IL3RA: variants seen among roughly 807,000 people sequenced by gnomAD.
The protein encoded by IL3RA is interleukin-3 receptor subunit alpha.
In IL3RA, 73 loss-of-function variants were observed where a neutral mutation model predicts 52.3. The ratio of observed to expected loss-of-function variants is 1.40; its 90% CI spans 1.16 to 1.70. The LOEUF is 1.70. Among genes scored for constraint, IL3RA ranks in the 40% most tolerant of loss-of-function variants. The pLI is 0.00. For synonymous variants in IL3RA, 260 were observed against 194.0 expected, an observed-to-expected ratio of 1.34 and a Z score of -2.83; for missense variants, 664 against 504.4, an observed-to-expected ratio of 1.32 and a Z score of -3.03.
chrX:1,364,045 G>A (rs1439076257), intron 8 of IL3RA, among the ~76,000 whole-genome samples: 38 of 151,836 alleles, frequency 2.5e-4, no homozygotes, highest in Non-Finnish European at 4.6e-4. Context: ...AAAATTAGCT[G>A]GGCATGGTAG....
chrX:1,379,845 T>C (rs2089054082), intron 10 of IL3RA, among the ~76,000 whole-genome samples: 1 of 152,138 alleles, frequency 6.6e-6, no homozygotes, highest in Admixed American at 6.5e-5. Context: ...CTGCAACCTC[T>C]GCCTCCTGGG....
chrX:1,356,119 T>C (rs1258788540), intron 6 of IL3RA, 102 bp from the exon 7 acceptor site: 176 of 759,300 alleles, frequency 2.3e-4, no homozygotes, highest in Middle Eastern at 5.7e-4. Context: ...TCCAAATGCA[T>C]AGGAGAAGTA....
rs1174042918 is a variant in IL3RA at position 1,378,914 on chromosome X, C to G, written c.980+150C>G. On this transcript the variant is annotated intron_variant, in intron 10 of 11. Coordinates refer to ENST00000331035, the MANE Select transcript of IL3RA (RefSeq NM_002183.4). ...CTGGAGTGCAGTGGCACGATCTGGG[C>G]TCACTGCAGCCTCTGCCTCCTGGGT... 4.0e-6 allele frequency: 3 copies of G among 748,866 alleles called. No individual in the cohort carries two copies. The East Asian group carries it at 8.2e-5, about 20-fold the overall frequency. 46.4% of individuals were successfully genotyped at this position (748,866 alleles called of 1,614,324 possible).
At position 1,349,509 on chromosome X, in the gene IL3RA, G is replaced by A. The variant is rs745732043; in HGVS notation, c.298+964G>A. 7.6e-4 allele frequency among the ~76,000 whole-genome samples: 116 copies of A among 151,734 alleles called. 1 individual carries two copies. Among genetic ancestry groups the A allele is most frequent in the Non-Finnish European group, 8.2e-4 (56 of 67,890 alleles). ...ATACTTTTTGTAGAGATGGGGTGTCGCTATGTTACCTGAGCTGGTCTCAAA... is the reference window on the plus strand; with the variant it reads ...ATACTTTTTGTAGAGATGGGGTGTCACTATGTTACCTGAGCTGGTCTCAAA... On this transcript the variant is annotated intron_variant, in intron 4 of 11. Coordinates refer to ENST00000331035, the MANE Select transcript of IL3RA (RefSeq NM_002183.4).
At chrX:1,362,863 C>T (rs1220617492) in intron 8 of IL3RA, among the ~76,000 whole-genome samples, 1 of 152,046 alleles carries the variant, frequency 6.6e-6, no homozygotes, top group African/African-American at 2.4e-5. Flanking sequence ...GCAACCTCCG[C>T]CTCCCAGGTT....
At chrX:1,362,270 C>A (rs1368795859) in intron 8 of IL3RA, among the ~76,000 whole-genome samples, 7 of 151,170 alleles carry the variant, frequency 4.6e-5, no homozygotes, top group African/African-American at 1.2e-4. Context: ...TTTTCTGTCT[C>A]TTTTTCTCTT....
In IL3RA at chrX:1,353,952, CCCATCATGGGTCGTGGGACCCCCA is replaced by C. The variant is rs1368251368; in HGVS notation, c.616+1449_616+1472del. Among the ~76,000 whole-genome samples the C allele has an allele frequency of 7.4e-4, 57 of 77,466 alleles. 3 individuals carry two copies. The highest frequency in any genetic ancestry group is 2.4e-3 in the South Asian group (6 of 2,478). The allele number at this position is 77,466 out of a possible 152,430, so 50.8% of individuals were successfully genotyped here. ...CATCATGGGTCATGGGACCCCCCCCCCCATCATGGGTCGTGGGACCCCCACCCCCATCATGGGTCATGGGAGCCC... is the reference window on the plus strand; with the variant it reads ...CATCATGGGTCATGGGACCCCCCCCCCCCCCATCATGGGTCATGGGAGCCC... On this transcript the variant is annotated intron_variant, in intron 6 of 11. Coordinates refer to ENST00000331035, the MANE Select transcript of IL3RA (RefSeq NM_002183.4).
chrX:1,341,364 AAT>A (rs2085483500), intron 1 of IL3RA, among the ~76,000 whole-genome samples: 1 of 151,862 alleles, frequency 6.6e-6, no homozygotes, highest in Non-Finnish European at 1.5e-5. Context: ...CGGGCACAAA[AAT>A]GTACACACGT....
At chrX:1,348,885 T>TTTTC (rs1556619318) in intron 4 of IL3RA, among the ~76,000 whole-genome samples, 1 of 140,866 alleles carries the variant, frequency 7.1e-6, no homozygotes, top group East Asian at 2.1e-4. Flanking sequence ...TTCCCTTTCG[T>TTTTC]TTTCTTTTCC....
intron 9 of IL3RA, among the ~76,000 whole-genome samples, chrX:1,367,628 C>T (rs1380248134): frequency 9.8e-6 from 1 of 102,184 alleles, no homozygotes; most frequent in Non-Finnish European, 1.9e-5. Flanking sequence ...GCGGGGTGAG[C>T]GGGGTGCGCC....
chrX:1,380,885 G>A (rs1244469306), intron 10 of IL3RA, 138 bp from the exon 11 acceptor site: 2 of 740,852 alleles, frequency 2.7e-6, no homozygotes, highest in East Asian at 5.0e-5. Flanking sequence ...TCAGGGGCCG[G>A]GAAAATAGAG....
chrX:1,380,590 A>T (rs867969239), intron 10 of IL3RA, among the ~76,000 whole-genome samples: 3 of 15,300 alleles, frequency 2.0e-4, no homozygotes, highest in African/African-American at 1.5e-3. Context: ...GGGAGGGGGA[A>T]GGGGGAGGAG....
rs2086683449 is a variant in IL3RA at position 1,356,097 on chromosome X, T to C, written c.617-124T>C. The C allele has an allele frequency of 7.4e-6, 5 of 675,832 alleles. No individual in the cohort carries two copies. The Admixed American group carries it at 1.1e-4, about 15-fold the overall frequency. The allele number at this position is 675,832 out of a possible 1,614,324, so 41.9% of individuals were successfully genotyped here. The stretch of plus-strand genomic sequence containing the variant: ...GTTCCCTCTTCCTTCCTGGTGTTTT[T>C]CTCTCCCGCTCTCCAAATGCATAGG... On this transcript the variant is annotated intron_variant, in intron 6 of 11. Transcript: ENST00000331035.
rs781768750 is a variant in IL3RA at position 1,370,533 on chromosome X, G to C, written c.874+5281G>C. Among the ~76,000 whole-genome samples, 80 of 16,146 alleles carry C rather than the reference G, an allele frequency of 5.0e-3. 3 individuals carry two copies. The highest frequency in any genetic ancestry group is 0.022 in the Middle Eastern group (1 of 46). 10.6% of individuals were successfully genotyped at this position (16,146 alleles called of 152,430 possible). A position where few individuals can be genotyped will look rare whatever the true frequency, so the allele number is the denominator to read the frequency against. On this transcript the variant is annotated intron_variant, in intron 9 of 11. Transcript: ENST00000331035. The stretch of plus-strand genomic sequence containing the variant: ...AGTAAGACATCTCATAAGAAGAGGA[G>C]ATGAGGACACAGACACACACAGAGG...
At chrX:1,353,395 A>AT (rs1259758562) in intron 6 of IL3RA, among the ~76,000 whole-genome samples, 16 of 118,890 alleles carry the variant, frequency 1.3e-4, no homozygotes, top group South Asian at 5.5e-4. Context: ...GGGTCATAGG[A>AT]CCCCCATCAT....
At chrX:1,342,490 C>T (rs1284572034) in intron 2 of IL3RA, among the ~76,000 whole-genome samples, 2 of 149,668 alleles carry the variant, frequency 1.3e-5, no homozygotes, top group African/African-American at 4.9e-5. Context: ...TTTTTACAGT[C>T]TATTACTGCA....
Position 1,345,385 on chromosome X carries a change from G to A in IL3RA, c.134G>A (p.Arg45Lys). The change falls in exon 3 of 12, where the codon AGA becomes AAA. Residue 45 changes from arginine (R) to lysine (K), a missense_variant. By Grantham distance (26) the Arg-to-Lys change is conservative. Transcript: ENST00000331035. ...CAGCAGTTGACCTGGGACCTTAACA[G>A]AAATGTGACCGATATCGAGTGTGTT... is the stretch of plus-strand genomic sequence containing the variant. ...KAQQLTWDLN[R>K]NVTDIECVKD... The A allele has an allele frequency of 1.9e-6, 3 of 1,610,974 alleles. No homozygotes were observed. Among genetic ancestry groups the A allele is most frequent in the Non-Finnish European group, 2.5e-6 (3 of 1,178,100 alleles).
chrX:1,353,543 C>T (rs1479297202), intron 6 of IL3RA, among the ~76,000 whole-genome samples: 1 of 150,466 alleles, frequency 6.6e-6, no homozygotes, highest in African/African-American at 2.5e-5. Flanking sequence ...TTGGTTCCAT[C>T]ATGGGTCATA....
chrX:1,361,038 CCTCT>C lies in IL3RA; in HGVS notation c.759+2154_759+2157del, dbSNP rs768173073. Reference sequence around the variant, plus strand: ...TCCCCTCTGTCTCTCTCTCCCTTCCCCTCTCTGTCTCTCTCTCCCTTCCCCTCTC... The same window carrying C: ...TCCCCTCTGTCTCTCTCTCCCTTCCCCTGTCTCTCTCTCCCTTCCCCTCTC... On this transcript the variant is annotated intron_variant, in intron 8 of 11. Coordinates refer to ENST00000331035, the MANE Select transcript of IL3RA (RefSeq NM_002183.4). Among the ~76,000 whole-genome samples the C allele has an allele frequency of 1.1e-4, 12 of 113,184 alleles. No homozygotes were observed. The East Asian group carries it at 1.3e-3, about 12-fold the overall frequency. The allele number at this position is 113,184 out of a possible 152,430, so 74.3% of individuals were successfully genotyped here.
Sources: allele counts gnomAD v4.1 joint callset (sites outside exome capture counted in the v4.1 genomes callset), GRCh38; gene constraint gnomAD v4.1.1; transcripts MANE v1.5; gene names NCBI Gene and HGNC (gene_info 2026-07-23, HGNC 2026-07-21).